DPYSL5: variants seen among roughly 807,000 people sequenced by gnomAD.
DPYSL5 encodes dihydropyrimidinase like 5, also known as dihydropyrimidinase-related protein 5.
DPYSL5 carries 9 observed loss-of-function variants against 58.4 expected under a neutral mutation model. The ratio of observed to expected loss-of-function variants is 0.15; its 90% confidence interval spans 0.09 to 0.27. The LOEUF (loss-of-function observed/expected upper bound fraction) is 0.27, where lower values mean the gene tolerates loss of function less well. Ranked by LOEUF, DPYSL5 falls within the 10% of genes least tolerant of loss-of-function variation. DPYSL5 has a pLI of 1.00. For missense variants in DPYSL5, 499 were observed against 770.6 expected (o/e 0.65, Z 4.17); for synonymous variants, 293 against 301.9 (o/e 0.97, Z 0.31).
At chr2:26,883,574 T>G (rs1403519240) in intron 1 of DPYSL5, among the ~76,000 whole-genome samples, 2 of 152,050 alleles carry the variant, frequency 1.3e-5, no homozygotes, top group Non-Finnish European at 2.9e-5. Context: ...AATTTTTGTA[T>G]TTTTAGTAGA....
chr2:26,901,317 T>C (rs1315351120), intron 2 of DPYSL5, among the ~76,000 whole-genome samples: 1 of 152,126 alleles, frequency 6.6e-6, no homozygotes, highest in Non-Finnish European at 1.5e-5. Context: ...TAAGCCTCTG[T>C]CGTGGTGGCC....
At chr2:26,888,255 TTCTTTCTTTCTG>T (rs796227927) in intron 1 of DPYSL5, among the ~76,000 whole-genome samples, 7 of 108,258 alleles carry the variant, frequency 6.5e-5, no homozygotes, top group East Asian at 2.3e-4. Context: ...CTTTCTTTCT[TTCTTTCTTTCTG>T]TCTTTCTTTC....
rs773255734 is a variant in DPYSL5 at position 26,934,773 on chromosome 2, T to C, written c.947+39T>C. 10 of 1,608,114 alleles carry C rather than the reference T, an allele frequency of 6.2e-6. No homozygotes were observed. In the African/African-American group the frequency reaches 1.2e-4, roughly 19 times the overall value. ...GCAGCACATTGCAGGGATGTGTACA[T>C]CTTTAGGAAGACGTCATAGAGGGCC... On this transcript the variant is annotated intron_variant, in intron 8 of 12. Transcript: ENST00000288699. This position sits in a 1 kb window ranked among gnomAD's most constrained non-coding sequence, Gnocchi z 4.3.
At chr2:26,895,888 C>A (rs1392441979) in intron 1 of DPYSL5, among the ~76,000 whole-genome samples, 1 of 144,244 alleles carries the variant, frequency 6.9e-6, no homozygotes. Context: ...TTAAGCAATT[C>A]TCTACCTCAG....
chr2:26,872,501 C>A (rs1258399855), intron 1 of DPYSL5, among the ~76,000 whole-genome samples: 1 of 152,058 alleles, frequency 6.6e-6, no homozygotes, highest in African/African-American at 2.4e-5. Context: ...AACAGCCTGC[C>A]CAACATGGTG....
intron 1 of DPYSL5, among the ~76,000 whole-genome samples, chr2:26,875,801 A>C (rs1483157974): frequency 6.6e-6 from 1 of 152,178 alleles, no homozygotes; most frequent in Non-Finnish European, 1.5e-5. Context: ...TTATAAAAAT[A>C]ATTTGGGTGT....
intron 5 of DPYSL5, among the ~76,000 whole-genome samples, chr2:26,928,687 G>GTGTGTATATA (rs143828804): frequency 5.6e-4 from 34 of 60,686 alleles, no homozygotes; most frequent in Non-Finnish European, 9.9e-4. Flanking sequence ...AGGTGATAGA[G>GTGTGTATATA]TATATATATA....
At chr2:26,932,103 G>C (rs1665017201) in intron 6 of DPYSL5, among the ~76,000 whole-genome samples, 1 of 104,866 alleles carries the variant, frequency 9.5e-6, no homozygotes, top group South Asian at 3.0e-4. Flanking sequence ...GAAAGAGAAA[G>C]AAAGAAAAGA....
intron 8 of DPYSL5, 55 bp from the exon 9 acceptor site, chr2:26,939,976 C>G (rs1665274271): frequency 6.2e-7 from 1 of 1,609,434 alleles, no homozygotes; most frequent in Admixed American, 1.7e-5. Flanking sequence ...TATCCTCACC[C>G]TCTAAGTTCC....
intron 1 of DPYSL5, among the ~76,000 whole-genome samples, chr2:26,869,558 G>A (rs1236796855): frequency 6.6e-6 from 1 of 152,004 alleles, no homozygotes; most frequent in Non-Finnish European, 1.5e-5. Context: ...GTCATTCTTA[G>A]TGTTTTATTC....
intron 1 of DPYSL5, among the ~76,000 whole-genome samples, chr2:26,896,334 G>A (rs1231638773): frequency 6.6e-6 from 1 of 152,124 alleles, no homozygotes; most frequent in Admixed American, 6.5e-5. Flanking sequence ...TGTGAATAAT[G>A]CTGCAGCAAA....
Position 26,933,418 on chromosome 2 carries a change from GC to G in DPYSL5, c.790+89del. ...GGCCCATTAGCCGTGCTCACTCCTG[GC>G]CCCGGCTCCTGAAACCAGGACCTGA... On this transcript the variant is annotated intron_variant, in intron 7 of 12. Transcript: ENST00000288699. This position sits in a 1 kb window ranked among gnomAD's most constrained non-coding sequence, Gnocchi z 4.2. 1 of 1,331,740 alleles carries G rather than the reference GC, an allele frequency of 7.5e-7. No homozygotes were observed. Among genetic ancestry groups the G allele is most frequent in the Non-Finnish European group, 1.1e-6 (1 of 936,870 alleles). The allele number at this position is 1,331,740 out of a possible 1,614,324, so 82.5% of individuals were successfully genotyped here.
chr2:26,868,889 G>A (rs977706052), intron 1 of DPYSL5, among the ~76,000 whole-genome samples: 3 of 152,060 alleles, frequency 2.0e-5, no homozygotes, highest in Non-Finnish European at 4.4e-5. Context: ...ATGTCTTCCT[G>A]TCTAAGCATA....
chr2:26,942,526 C>G lies in DPYSL5; in HGVS notation c.1233-17C>G. On this transcript the variant is annotated splice_polypyrimidine_tract_variant and intron_variant, in intron 10 of 12. Transcript: ENST00000288699. This position sits in a 1 kb window ranked among gnomAD's most constrained non-coding sequence, Gnocchi z 5.9. ...CTGTCCTCAGCGCTTTCTCTCCCGC[C>G]ATTGCCTCCCCACCAGGACCATCTC... The G allele has an allele frequency of 3.1e-6, 5 of 1,611,098 alleles. No individual in the cohort carries two copies. Among genetic ancestry groups the G allele is most frequent in the Non-Finnish European group, 4.2e-6 (5 of 1,178,480 alleles).
At chr2:26,908,505 G>T (rs1326796892) in intron 2 of DPYSL5, among the ~76,000 whole-genome samples, 2 of 152,180 alleles carry the variant, frequency 1.3e-5, no homozygotes, top group African/African-American at 4.8e-5. Context: ...CAAAATGTAG[G>T]CCAGGTTGAT....
At position 26,854,857 on chromosome 2, in the gene DPYSL5, C is replaced by T. The variant is rs189278760; in HGVS notation, c.-5+6603C>T. On this transcript the variant is annotated intron_variant, in intron 1 of 12. Transcript: ENST00000288699. The stretch of plus-strand genomic sequence containing the variant: ...TTTTTGAGATGGAGTCTTACTCTGT[C>T]GCCCATGCTGGAGTTCAGTGGTGCG... 4.5e-4 allele frequency among the ~76,000 whole-genome samples: 69 copies of T among 151,814 alleles called. No homozygotes were observed. In the East Asian group the frequency reaches 0.013, roughly 29 times the overall value.
intron 2 of DPYSL5, among the ~76,000 whole-genome samples, chr2:26,912,186 C>A (rs1299021599): frequency 1.3e-5 from 2 of 152,230 alleles, no homozygotes; most frequent in Non-Finnish European, 2.9e-5. Flanking sequence ...CAGATCTTAT[C>A]ATCCTTCCTT....
chr2:26,911,083 T>C (rs1664428439), intron 2 of DPYSL5, among the ~76,000 whole-genome samples: 1 of 150,236 alleles, frequency 6.7e-6, no homozygotes, highest in African/African-American at 2.4e-5. Context: ...TGTTCAGTTT[T>C]TTTTTTTTTT....
intron 1 of DPYSL5, among the ~76,000 whole-genome samples, chr2:26,888,207 T>G (rs1048702901): frequency 6.7e-6 from 1 of 149,180 alleles, no homozygotes; most frequent in African/African-American, 2.5e-5. Flanking sequence ...TCCTTCCCTT[T>G]CTTTTCTTTC....
Sources: allele counts gnomAD v4.1 joint callset (sites outside exome capture counted in the v4.1 genomes callset), GRCh38; gene constraint gnomAD v4.1.1; non-coding constraint Gnocchi (gnomAD v3.1); transcripts MANE v1.5; gene names NCBI Gene and HGNC (gene_info 2026-07-23, HGNC 2026-07-21).